BAZ2B: variants seen among roughly 807,000 people sequenced by gnomAD.
BAZ2B encodes the protein bromodomain adjacent to zinc finger domain 2B.
In BAZ2B, 91 loss-of-function variants were observed where a neutral mutation model predicts 246.0. The observed-to-expected ratio is 0.37, with a 90% CI of 0.31 to 0.44. The LOEUF (loss-of-function observed/expected upper bound fraction) is 0.44. Among genes scored for constraint, BAZ2B ranks in the 20% least tolerant of loss-of-function variants. The probability of loss-of-function intolerance (pLI) is 1.00; values close to 1 mark genes in which losing one functional copy is unlikely to be tolerated. For missense variants in BAZ2B, 2,332 were observed against 2,533.7 expected, an observed-to-expected ratio of 0.92 and a Z score of 1.71; for synonymous variants, 855 against 860.0, an observed-to-expected ratio of 0.99 and a Z score of 0.10.
At chr2:159,482,663 T>G (rs1483126852) in intron 2 of BAZ2B, among the ~76,000 whole-genome samples, 1 of 152,206 alleles carries the variant, frequency 6.6e-6, no homozygotes, top group Non-Finnish European at 1.5e-5. Context: ...TGTCTCATAA[T>G]TGTACCGATA....
chr2:159,668,291 AC>A, the BAZ2B span, among the ~76,000 whole-genome samples: 11,647 of 152,200 alleles, frequency 0.077, 939 homozygotes, highest in African/African-American at 0.2. Flanking sequence ...GGATCTTTAT[AC>A]ACATTATTGC....
chr2:159,692,731 C>G, the BAZ2B span, among the ~76,000 whole-genome samples: 1 of 151,982 alleles, frequency 6.6e-6, no homozygotes, highest in Non-Finnish European at 1.5e-5. Context: ...AATAAATGGA[C>G]CTGTGCAGTT....
At chr2:159,425,570 T>C (rs999802417) in intron 13 of BAZ2B, among the ~76,000 whole-genome samples, 1 of 152,242 alleles carries the variant, frequency 6.6e-6, no homozygotes, top group Non-Finnish European at 1.5e-5. Context: ...TCCTTTGTTA[T>C]CACCATTACA....
intron 36 of BAZ2B, 77 bp downstream of exon 36, chr2:159,324,734 C>T: frequency 9.8e-7 from 1 of 1,023,264 alleles, no homozygotes; most frequent in Non-Finnish European, 1.3e-6. Flanking sequence ...ATTAAAATAT[C>T]TTTGGCTCAC....
rs2064757888 is a variant in BAZ2B, at chr2:159,331,455, C to T, written c.5943+1085G>A. On this transcript the variant is annotated intron_variant, in intron 34 of 36. Coordinates refer to ENST00000392783, the MANE Select transcript of BAZ2B (RefSeq NM_013450.4). ...TGATCTGGGTTCACTGCAACCTCCA[C>T]CTCTGAGGTTCAAGCGGTTCTCCTG... Among the ~76,000 whole-genome samples, 2 of 152,194 alleles carry T rather than the reference C, an allele frequency of 1.3e-5. 1 individual carries two copies. Among genetic ancestry groups the T allele is most frequent in the South Asian group, 4.1e-4 (2 of 4,828 alleles).
the BAZ2B span, among the ~76,000 whole-genome samples, chr2:159,704,053 A>G: frequency 6.6e-6 from 1 of 152,170 alleles, no homozygotes; most frequent in African/African-American, 2.4e-5. Context: ...TGTAATAGAA[A>G]AATATGAAGG....
chr2:159,502,024 G>A (rs906478606), intron 2 of BAZ2B, among the ~76,000 whole-genome samples: 1 of 152,106 alleles, frequency 6.6e-6, no homozygotes, highest in Admixed American at 6.5e-5. Context: ...AAGCAACATG[G>A]AAGAACCTTG....
At position 159,386,536 on chromosome 2, in the gene BAZ2B, C is replaced by T. The variant is rs759950546; in HGVS notation, c.3288G>A (p.Val1096=). Reference sequence around the variant, plus strand: ...TACCAAAGTTTCGTAAGAACTGCACCACCATGAGACAGTCTGAAAATGTAC... The same window carrying T: ...TACCAAAGTTTCGTAAGAACTGCACTACCATGAGACAGTCTGAAAATGTAC... The part of the protein sequence containing the change: ...SGSTFSDCLM[V]VQFLRNFGKV... The change falls in exon 22 of 37, where the codon GTG becomes GTA. Residue 1096 remains valine, a synonymous_variant. Transcript: ENST00000392783. 4.0e-5 allele frequency: 65 copies of T among 1,613,496 alleles called. No homozygotes were observed. Among genetic ancestry groups the T allele is most frequent in the Non-Finnish European group, 5.4e-5 (64 of 1,179,736 alleles).
intron 20 of BAZ2B, among the ~76,000 whole-genome samples, chr2:159,392,740 T>C (rs1263992671): frequency 1.3e-5 from 2 of 152,328 alleles, no homozygotes; most frequent in East Asian, 3.9e-4. Context: ...AAAAATTATT[T>C]GAGCATTTAT....
intron 10 of BAZ2B, among the ~76,000 whole-genome samples, chr2:159,430,100 G>C (rs912321038): frequency 6.6e-6 from 1 of 152,064 alleles, no homozygotes; most frequent in Non-Finnish European, 1.5e-5. Context: ...CTATATATTG[G>C]GCAGATAGCA....
chr2:159,668,997 A>G, the BAZ2B span, among the ~76,000 whole-genome samples: 1 of 152,108 alleles, frequency 6.6e-6, no homozygotes, highest in Non-Finnish European at 1.5e-5. Flanking sequence ...CAGAGGTTGC[A>G]GTGAGCTGAG....
chr2:159,616,176 G>C (rs1283473880), intron 1 of BAZ2B, 66 bp downstream of exon 1: 1 of 152,228 alleles, frequency 6.6e-6, no homozygotes, highest in Non-Finnish European at 1.5e-5. Context: ...TGTTTCCACC[G>C]GCTTTGTAAC....
At chr2:159,338,203 G>C (rs2065986272) in intron 31 of BAZ2B, among the ~76,000 whole-genome samples, 1 of 152,014 alleles carries the variant, frequency 6.6e-6, no homozygotes, top group African/African-American at 2.4e-5. Context: ...CTTCAAATAT[G>C]CTATTACCTT....
chr2:159,702,454 T>G, the BAZ2B span, among the ~76,000 whole-genome samples: 1 of 152,180 alleles, frequency 6.6e-6, no homozygotes, highest in African/African-American at 2.4e-5. Flanking sequence ...ATGCTACTAT[T>G]TAATTAATGA....
At position 159,412,515 on chromosome 2, in the gene BAZ2B, C is replaced by A; in HGVS notation, c.2497G>T (p.Asp833Tyr). Residue 833 changes from aspartate to tyrosine, a missense_variant, in exon 14 of 37, where the codon GAT (aspartate) becomes TAT (tyrosine). Around this residue, in one of 9 missense-constraint regions of BAZ2B, gnomAD observed 651 missense variants for 650.9 expected, o/e 1.00. Transcript: ENST00000392783. ...ATTGCCCTGATACGAGGAATGACATCCTCTTCTTTCAAAAGACACCACTGC... is the reference window on the plus strand; with the variant it reads ...ATTGCCCTGATACGAGGAATGACATACTCTTCTTTCAAAAGACACCACTGC... ...GMQWCLLKEE[D>Y]VIPRIRAMEG... 1.2e-6 allele frequency: 2 copies of A among 1,613,972 alleles called. No homozygotes were observed. Among genetic ancestry groups the A allele is most frequent in the Non-Finnish European group, 1.7e-6 (2 of 1,179,940 alleles).
chr2:159,448,541 T>G, intron 4 of BAZ2B, 132 bp from the exon 5 acceptor site: 1 of 1,050,732 alleles, frequency 9.5e-7, no homozygotes, highest in Non-Finnish European at 1.3e-6. Flanking sequence ...TACTCATACT[T>G]CTGATCATTT....
At chr2:159,486,621 A>G (rs973080211) in intron 2 of BAZ2B, among the ~76,000 whole-genome samples, 2 of 149,078 alleles carry the variant, frequency 1.3e-5, no homozygotes, top group Non-Finnish European at 3.0e-5. Context: ...TGTGCTGGTC[A>G]CCCTCACATT....
intron 1 of BAZ2B, among the ~76,000 whole-genome samples, chr2:159,591,733 C>A (rs1357499501): frequency 3.3e-5 from 5 of 152,184 alleles, no homozygotes; most frequent in African/African-American, 1.2e-4. Flanking sequence ...AAAACAGAAA[C>A]CAGAAATCAC....
chr2:159,561,142 A>T (rs911322107), intron 1 of BAZ2B, among the ~76,000 whole-genome samples: 1 of 152,158 alleles, frequency 6.6e-6, no homozygotes, highest in Non-Finnish European at 1.5e-5. Flanking sequence ...CCAGTGTGAT[A>T]TTGCAGGAAA....
Sources: gnomAD v4.1 joint callset for allele counts (sites outside exome capture counted in the v4.1 genomes callset) on GRCh38, gnomAD v4.1.1 for gene constraint, gnomAD v4.1.1 regional missense constraint, MANE v1.5 for transcripts, NCBI Gene and HGNC (gene_info 2026-07-23, HGNC 2026-07-21) for gene names.